Variants in CIITA observed in about 807,000 individuals in gnomAD.
CIITA encodes the protein MHC class II transactivator.
Under a neutral mutation model 115.1 loss-of-function variants are expected in CIITA, and 72 were observed. The ratio of observed to expected loss-of-function variants is 0.63; its 90% CI spans 0.52 to 0.76. The LOEUF is 0.76. CIITA is among the 30% of genes least tolerant of loss of function. The pLI is 0.00. For synonymous variants in CIITA, 763 were observed against 635.6 expected (o/e 1.20, Z -3.02); for missense variants, 1,617 against 1,463.8 (o/e 1.10, Z -1.71).
At chr16:10,885,825 G>A (rs113611118) in intron 1 of CIITA, among the ~76,000 whole-genome samples, 190 of 152,212 alleles carry the variant, frequency 1.2e-3, no homozygotes, top group African/African-American at 4.3e-3. Flanking sequence ...GAGCCATAGA[G>A]GTACCAACCT....
At chr16:10,891,728 G>T (rs765259813) in intron 1 of CIITA, among the ~76,000 whole-genome samples, 1 of 152,210 alleles carries the variant, frequency 6.6e-6, no homozygotes, top group South Asian at 2.1e-4. Context: ...TTGTGCCTGT[G>T]TCCCTGACCA....
At position 10,932,272 on chromosome 16, in the gene CIITA, C is replaced by G. The variant is rs2040830305; in HGVS notation, c.*8417C>G. 6.6e-6 allele frequency: 1 copy of G among 152,230 alleles called. No individual in the cohort carries two copies. Among genetic ancestry groups the G allele is most frequent in the African/African-American group, 2.4e-5 (1 of 41,448 alleles). The allele number at this position is 152,230 out of a possible 1,614,324, so 9.4% of individuals were successfully genotyped here. ...GCCTTGGCAAACGCTAAATGAAAAT[C>G]GTGACAACACTTGTGTTATGAAGCA... is the stretch of plus-strand genomic sequence containing the variant. On this transcript the variant is annotated 3_prime_UTR_variant, in exon 20 of 20. Coordinates refer to ENST00000324288, the MANE Select transcript of CIITA (RefSeq NM_000246.4).
rs2040691440 is a variant in CIITA at position 10,929,648 on chromosome 16, C to T, written c.*5793C>T. The T allele has an allele frequency of 4.7e-6, 4 of 853,210 alleles. No homozygotes were observed. The highest frequency in any genetic ancestry group is 5.6e-6 in the Non-Finnish European group (4 of 709,634). 52.9% of individuals were successfully genotyped at this position (853,210 alleles called of 1,614,324 possible). On this transcript the variant is annotated 3_prime_UTR_variant, in exon 20 of 20. Coordinates refer to ENST00000324288, the MANE Select transcript of CIITA (RefSeq NM_000246.4). The surrounding 1 kb of genome is among the most constrained non-coding windows in gnomAD (Gnocchi z 4.3). ...GGGACAGGGACCAATCCACCAGGCT[C>T]GGGAGGCTTGGGGTGGGGCAGGGAA...
intron 3 of CIITA, among the ~76,000 whole-genome samples, chr16:10,898,342 G>C (rs7405319): frequency 0.97 from 148,185 of 152,024 alleles, 72,362 homozygotes; most frequent in East Asian, 1. Flanking sequence ...GGTTAAATAA[G>C]TAGCCCAAGA....
chr16:10,902,249 C>G, intron 7 of CIITA, 65 bp downstream of exon 7: 4 of 1,599,830 alleles, frequency 2.5e-6, no homozygotes, highest in Non-Finnish European at 3.4e-6. Flanking sequence ...GGAGTTGACA[C>G]TAAGGCAGGG....
At chr16:10,867,331 G>T (rs1268272242) in intron 1 of CIITA, among the ~76,000 whole-genome samples, 2 of 150,666 alleles carry the variant, frequency 1.3e-5, no homozygotes, top group Non-Finnish European at 3.0e-5. Context: ...GTTGGGGGGG[G>T]GCATGTGTGC....
rs1185577905 is a variant in CIITA, at chr16:10,904,883, T to C, written c.1006+71T>C. 4.7e-6 allele frequency: 7 copies of C among 1,479,866 alleles called. No homozygotes were observed. The East Asian group carries it at 1.4e-4, about 29-fold the overall frequency. 91.7% of individuals were successfully genotyped at this position (1,479,866 alleles called of 1,614,324 possible). ...CCCATATCTGGCTTCACATTGCTCA[T>C]TCACTTGACACTTATTCAACCCCTT... On this transcript the variant is annotated intron_variant, in intron 10 of 19. Transcript: ENST00000324288.
upstream of CIITA, among the ~76,000 whole-genome samples, chr16:10,873,034 G>T (rs184568741): frequency 1.3e-5 from 2 of 152,132 alleles, no homozygotes; most frequent in Admixed American, 6.5e-5. Context: ...GCACAGTGGC[G>T]CAATCACAGC....
intron 1 of CIITA, chr16:10,878,840 G>C (rs1043939015): frequency 4.3e-6 from 1 of 230,628 alleles, no homozygotes; most frequent in Non-Finnish European, 8.6e-6. Context: ...GATAAAGCAC[G>C]TGGTGGCCAC....
chr16:10,867,572 A>G (rs1465295214), intron 1 of CIITA, among the ~76,000 whole-genome samples: 2 of 151,932 alleles, frequency 1.3e-5, no homozygotes, highest in Non-Finnish European at 2.9e-5. Context: ...AGAAAGAGAG[A>G]ATAAGAACTC....
chr16:10,929,304 C>T lies in CIITA; in HGVS notation c.*5449C>T, dbSNP rs887888428. ...TGAAGTGGGGGAAGCAGGTGCGCTC[C>T]GGGATGAAGTGCAGGGAGGCAAACT... On this transcript the variant is annotated 3_prime_UTR_variant, in exon 20 of 20. Coordinates refer to ENST00000324288, the MANE Select transcript of CIITA (RefSeq NM_000246.4). The surrounding 1 kb of genome is among the most constrained non-coding windows in gnomAD (Gnocchi z 4.3). 4 of 985,818 alleles carry T rather than the reference C, an allele frequency of 4.1e-6. No individual in the cohort carries two copies. The highest frequency in any genetic ancestry group is 3.6e-6 in the Non-Finnish European group (3 of 829,990). The allele number at this position is 985,818 out of a possible 1,614,324, so 61.1% of individuals were successfully genotyped here.
chr16:10,869,309 T>A (rs1300691984), intron 1 of CIITA, among the ~76,000 whole-genome samples: 1 of 152,226 alleles, frequency 6.6e-6, no homozygotes, highest in Admixed American at 6.5e-5. Flanking sequence ...CGCTGTTCCT[T>A]AGACACGCTC....
Position 10,915,589 on chromosome 16 carries a change from C to T in CIITA, c.2908C>T (p.Pro970Ser). The change falls in exon 14 of 20, where the codon CCC becomes TCC. Residue 970 changes from proline to serine, a missense_variant. Transcript: ENST00000324288. ...LEFALGPVSG[P>S]QAFPKLVRIL... ...TCCTAGGCTGGGCCCTGTCTCAGGC[C>T]CCCAGGCTTTCCCCAAACTGGTGCG... 1 of 1,614,122 alleles carries T rather than the reference C, an allele frequency of 6.2e-7. No homozygotes were observed. Among genetic ancestry groups the T allele is most frequent in the African/African-American group, 1.3e-5 (1 of 75,028 alleles).
upstream of CIITA, among the ~76,000 whole-genome samples, chr16:10,876,294 C>A (rs950384772): frequency 5.9e-5 from 9 of 152,220 alleles, no homozygotes; most frequent in African/African-American, 2.2e-4. Flanking sequence ...GAATTACAGG[C>A]ACAAGCCACC....
rs1289842072 is a variant in CIITA, at chr16:10,879,263, A to G, written c.52+1881A>G. On this transcript the variant is annotated intron_variant, in intron 1 of 19. Coordinates refer to ENST00000324288, the MANE Select transcript of CIITA (RefSeq NM_000246.4). The surrounding 1 kb of genome is among the most constrained non-coding windows in gnomAD (Gnocchi z 4.3). ...ACCCGGAGCTTGGCTTGCTGTGCCC[A>G]GAGCTCCGGGGCCGTGGGCGGGTGG... Among the ~76,000 whole-genome samples the G allele has an allele frequency of 6.6e-6, 1 of 152,186 alleles. No homozygotes were observed. Among genetic ancestry groups the G allele is most frequent in the Non-Finnish European group, 1.5e-5 (1 of 68,026 alleles).
intron 1 of CIITA, among the ~76,000 whole-genome samples, chr16:10,894,050 C>T (rs542827784): frequency 1.3e-5 from 2 of 152,140 alleles, no homozygotes; most frequent in Admixed American, 6.5e-5. Context: ...TAGGCTTTTG[C>T]TATGTTGCCC....
At chr16:10,903,119 T>G (rs1188868512) in intron 8 of CIITA, among the ~76,000 whole-genome samples, 2 of 152,256 alleles carry the variant, frequency 1.3e-5, no homozygotes, top group African/African-American at 4.8e-5. Context: ...ACATGCTCAC[T>G]AATAAGCTAA....
intron 13 of CIITA, 139 bp from the exon 14 acceptor site, chr16:10,915,431 C>A: frequency 1.4e-6 from 1 of 727,102 alleles, no homozygotes; most frequent in Admixed American, 2.0e-5. Context: ...TTGCAGGGAC[C>A]TAAGAGGCTG....
At chr16:10,917,481 AT>A (rs36011152) in intron 15 of CIITA, among the ~76,000 whole-genome samples, 33,706 of 132,592 alleles carry the variant, frequency 0.25, 4,030 homozygotes, top group Non-Finnish European at 0.29. Context: ...GTTCAATGGG[AT>A]TTTTTTTTTT....
Sources: allele counts gnomAD v4.1 joint callset (sites outside exome capture counted in the v4.1 genomes callset), GRCh38; gene constraint gnomAD v4.1.1; non-coding constraint Gnocchi (gnomAD v3.1); transcripts MANE v1.5; gene names NCBI Gene and HGNC (gene_info 2026-07-23, HGNC 2026-07-21).